DGKB: variants seen among roughly 807,000 people sequenced by gnomAD.
DGKB encodes the protein 90 kDa diacylglycerol kinase.
DGKB carries 67 observed loss-of-function variants against 114.3 expected under a neutral mutation model. The observed-to-expected ratio is 0.59, with a 90% CI of 0.48 to 0.72. The LOEUF (loss-of-function observed/expected upper bound fraction) is 0.72. Ranked by LOEUF, DGKB falls within the 30% of genes least tolerant of loss-of-function variation. DGKB has a pLI of 0.00. For synonymous variants in DGKB, 398 were observed against 323.1 expected (o/e 1.23, Z -2.49); for missense variants, 907 against 975.2 (o/e 0.93, Z 0.93).
chr7:14,149,894 C>A (rs1781933359), intron 25 of DGKB, among the ~76,000 whole-genome samples: 1 of 152,152 alleles, frequency 6.6e-6, no homozygotes, highest in African/African-American at 2.4e-5. Context: ...TGTTCTAAAG[C>A]TACTCGTTTT....
At chr7:14,607,219 C>T (rs760501498) in intron 17 of DGKB, among the ~76,000 whole-genome samples, 1 of 151,062 alleles carries the variant, frequency 6.6e-6, no homozygotes, top group African/African-American at 2.4e-5. Flanking sequence ...AGGAGCATTA[C>T]TTCACAATAT....
At chr7:14,958,372 TAC>T (rs1467836840) in intron 1 of DGKB, among the ~76,000 whole-genome samples, 1 of 148,504 alleles carries the variant, frequency 6.7e-6, no homozygotes, top group Non-Finnish European at 1.5e-5. Flanking sequence ...GTGAATGTGT[TAC>T]ACAGTTACTA....
intron 23 of DGKB, among the ~76,000 whole-genome samples, chr7:14,196,217 G>A (rs1367834677): frequency 1.3e-5 from 2 of 152,082 alleles, no homozygotes; most frequent in African/African-American, 4.8e-5. Flanking sequence ...GACAGGGACT[G>A]TTATTGTCGA....
intron 2 of DGKB, among the ~76,000 whole-genome samples, chr7:14,790,641 TTCTC>T (rs1183386612): frequency 1.3e-5 from 2 of 152,158 alleles, no homozygotes; most frequent in Non-Finnish European, 1.5e-5. Flanking sequence ...TATTTTAGGG[TTCTC>T]TCTGTCATTG....
chr7:14,432,334 C>G (rs904636825), intron 21 of DGKB, among the ~76,000 whole-genome samples: 1 of 152,162 alleles, frequency 6.6e-6, no homozygotes, highest in Non-Finnish European at 1.5e-5. Context: ...CATAACCCTT[C>G]TAAGAGCTAT....
At chr7:14,282,727 T>A (rs2128457938) in intron 23 of DGKB, among the ~76,000 whole-genome samples, 1 of 152,150 alleles carries the variant, frequency 6.6e-6, no homozygotes, top group Admixed American at 6.6e-5. Context: ...TCAATAAATG[T>A]AATCCAGCAT....
chr7:14,833,965 C>T (rs1846785134), intron 2 of DGKB, among the ~76,000 whole-genome samples: 1 of 152,112 alleles, frequency 6.6e-6, no homozygotes, highest in Non-Finnish European at 1.5e-5. Context: ...CATCATTTGC[C>T]ACTGGATCTG....
At chr7:14,758,285 C>T (rs1034867799) in intron 2 of DGKB, among the ~76,000 whole-genome samples, 6 of 151,814 alleles carry the variant, frequency 4.0e-5, no homozygotes, top group Non-Finnish European at 7.4e-5. Flanking sequence ...TATTTTTAAA[C>T]CTTTCATCTT....
chr7:14,713,230 A>C (rs1360118660), intron 6 of DGKB, among the ~76,000 whole-genome samples: 1 of 152,152 alleles, frequency 6.6e-6, no homozygotes, highest in Non-Finnish European at 1.5e-5. Flanking sequence ...TTCATAATGA[A>C]TATATCCTAC....
At chr7:14,624,250 C>CA (rs1808174208) in intron 14 of DGKB, among the ~76,000 whole-genome samples, 1 of 152,156 alleles carries the variant, frequency 6.6e-6, no homozygotes, top group African/African-American at 2.4e-5. Context: ...AAATAATTTA[C>CA]TCCAGCATTC....
chr7:14,582,713 G>C (rs77064937), intron 18 of DGKB, among the ~76,000 whole-genome samples: 59 of 152,096 alleles, frequency 3.9e-4, no homozygotes, highest in African/African-American at 1.3e-3. Context: ...CATCAATTTC[G>C]CACAGACTTT....
chr7:14,651,097 A>G (rs2128898324), intron 13 of DGKB, among the ~76,000 whole-genome samples: 1 of 152,288 alleles, frequency 6.6e-6, no homozygotes, highest in African/African-American at 2.4e-5. Flanking sequence ...ATTCCTTCTG[A>G]AACTATTCCA....
At chr7:14,898,126 CAA>C (rs1782403590) in intron 1 of DGKB, among the ~76,000 whole-genome samples, 1 of 151,846 alleles carries the variant, frequency 6.6e-6, no homozygotes, top group Non-Finnish European at 1.5e-5. Context: ...CTAGATACCT[CAA>C]AGTGTCATGA....
At chr7:14,676,828 C>A (rs909471462) in intron 12 of DGKB, among the ~76,000 whole-genome samples, 11 of 151,436 alleles carry the variant, frequency 7.3e-5, no homozygotes, top group African/African-American at 2.7e-4. Context: ...GTAAAATAAC[C>A]AATAGCGCAC....
chr7:14,148,092 A>G lies in DGKB; in HGVS notation c.*1039T>C, dbSNP rs951484534. 1 of 152,256 alleles carries G rather than the reference A, an allele frequency of 6.6e-6. No homozygotes were observed. Among genetic ancestry groups the G allele is most frequent in the African/African-American group, 2.4e-5 (1 of 41,468 alleles). The allele number at this position is 152,256 out of a possible 1,614,324, so 9.4% of individuals were successfully genotyped here. A position where few individuals can be genotyped will look rare whatever the true frequency, so the allele number is the denominator to read the frequency against. On this transcript the variant is annotated 3_prime_UTR_variant, in exon 26 of 26. Transcript: ENST00000402815. ...TCCATGAAAAATTACACCTATATTT[A>G]TAAATGACTGAAAAAAGCAAGAAAT...
At chr7:14,825,879 A>G (rs966184932) in intron 2 of DGKB, among the ~76,000 whole-genome samples, 2 of 152,176 alleles carry the variant, frequency 1.3e-5, no homozygotes, top group African/African-American at 4.8e-5. Context: ...TCAACAAATG[A>G]TAAACTATTA....
intron 12 of DGKB, 61 bp from the exon 13 acceptor site, chr7:14,673,088 G>A (rs777228278): frequency 2.5e-5 from 23 of 916,896 alleles, no homozygotes; most frequent in Admixed American, 8.6e-5. Context: ...ACATGGGGGA[G>A]ATTATATTTC....
At chr7:14,481,752 C>G (rs553356139) in intron 20 of DGKB, among the ~76,000 whole-genome samples, 1 of 151,890 alleles carries the variant, frequency 6.6e-6, no homozygotes, top group Non-Finnish European at 1.5e-5. Flanking sequence ...GAATTCCAAT[C>G]TCTCCCTGTG....
At position 14,959,951 on chromosome 7, in the gene DGKB, A is replaced by T. The variant is rs574115455; in HGVS notation, c.-188+14745T>A. The stretch of plus-strand genomic sequence containing the variant: ...AGCAAAATGATTCTGATATTCAATC[A>T]TGAGGGAAAACATAACATTTTCTTT... On this transcript the variant is annotated intron_variant, in intron 1 of 4. Transcript: ENST00000437998. Among the ~76,000 whole-genome samples the T allele has an allele frequency of 2.0e-5, 3 of 152,098 alleles. No individual in the cohort carries two copies. The East Asian group carries it at 5.8e-4, about 29-fold the overall frequency.
Sources: gnomAD v4.1 joint callset for allele counts (sites outside exome capture counted in the v4.1 genomes callset) on GRCh38, gnomAD v4.1.1 for gene constraint, MANE v1.5 for transcripts, NCBI Gene and HGNC (gene_info 2026-07-23, HGNC 2026-07-21) for gene names.